SPAG9: variants seen among roughly 807,000 people sequenced by gnomAD.
The protein encoded by SPAG9 is sperm associated antigen 9, also known as C-Jun-amino-terminal kinase-interacting protein 4.
SPAG9 carries 35 observed loss-of-function variants against 166.5 expected under a neutral mutation model. The observed-to-expected ratio is 0.21, with a 90% CI of 0.16 to 0.28. SPAG9 has a LOEUF of 0.28. SPAG9 is among the 10% of genes least tolerant of loss of function. SPAG9 has a pLI of 1.00. For missense variants in SPAG9, 1,235 were observed against 1,603.3 expected (o/e 0.77, Z 3.92); for synonymous variants, 534 against 565.5 (o/e 0.94, Z 0.79).
At chr17:51,113,026 G>GAA (rs143151944) in intron 1 of SPAG9, among the ~76,000 whole-genome samples, 1 of 144,466 alleles carries the variant, frequency 6.9e-6, no homozygotes, top group African/African-American at 2.5e-5. Flanking sequence ...AAACAGTTCA[G>GAA]AAAAAAAAAA....
At position 50,984,610 on chromosome 17, in the gene SPAG9, C is replaced by T. The variant is rs148289050; in HGVS notation, c.3088+313G>A. On this transcript the variant is annotated intron_variant, in intron 24 of 29. Transcript: ENST00000262013. ...CTGAGGCAGGAGAGTGGTGTGAACC[C>T]GGGAGGCGGAGCTTGCAGTGAGCTG... Among the ~76,000 whole-genome samples, 696 of 152,232 alleles carry T rather than the reference C, an allele frequency of 4.6e-3. 3 individuals carry two copies. Among genetic ancestry groups the T allele is most frequent in the Non-Finnish European group, 8.7e-3 (594 of 68,016 alleles).
Position 50,989,791 on chromosome 17 carries a change from C to G in SPAG9, c.2699G>C (p.Gly900Ala). The change falls in exon 21 of 30, where the codon GGG becomes GCG. Residue 900 changes from glycine to alanine, a missense_variant. Around this residue, in one of 6 missense-constraint regions of SPAG9, gnomAD observed 493 missense variants for 559.4 expected, o/e 0.88. Coordinates refer to ENST00000262013, the MANE Select transcript of SPAG9 (RefSeq NM_001130528.3). ...EATEATEGNA[G>A]SAEDTVDISQ... is the part of the protein sequence containing the mutation. Reference sequence around the variant, plus strand: ...GATGTCCACTGTGTCTTCAGCTGACCCCGCATTCCCTTCTGTAGCTTCAGT... The same window carrying G: ...GATGTCCACTGTGTCTTCAGCTGACGCCGCATTCCCTTCTGTAGCTTCAGT... 1.9e-6 allele frequency: 3 copies of G among 1,614,090 alleles called. No homozygotes were observed. Among genetic ancestry groups the G allele is most frequent in the Non-Finnish European group, 2.5e-6 (3 of 1,179,988 alleles).
At chr17:51,112,496 C>A (rs1321750004) in intron 1 of SPAG9, among the ~76,000 whole-genome samples, 4 of 150,906 alleles carry the variant, frequency 2.7e-5, no homozygotes, top group Non-Finnish European at 5.9e-5. Flanking sequence ...CATGGTGAAA[C>A]CCCATCTCCA....
At chr17:51,029,491 G>C (rs1230099448) in intron 6 of SPAG9, among the ~76,000 whole-genome samples, 1 of 152,076 alleles carries the variant, frequency 6.6e-6, no homozygotes, top group African/African-American at 2.4e-5. Context: ...ATTCGTAACA[G>C]CCATAAGGTG....
At chr17:51,026,030 G>C (rs1221444320) in intron 6 of SPAG9, among the ~76,000 whole-genome samples, 6 of 152,120 alleles carry the variant, frequency 3.9e-5, no homozygotes, top group African/African-American at 1.4e-4. Context: ...ATATGAGAAA[G>C]TGATATGCCT....
At chr17:51,008,821 G>C (rs887563362) in intron 9 of SPAG9, among the ~76,000 whole-genome samples, 5 of 152,062 alleles carry the variant, frequency 3.3e-5, no homozygotes, top group Non-Finnish European at 5.9e-5. Context: ...TCTTCGGCAA[G>C]ATATTTGCTT....
chr17:50,967,352 C>A (rs895074581), intron 29 of SPAG9, among the ~76,000 whole-genome samples: 9 of 152,148 alleles, frequency 5.9e-5, no homozygotes, highest in Admixed American at 3.9e-4. Context: ...TGAATTTCAG[C>A]TGGACAAAAG....
intron 4 of SPAG9, among the ~76,000 whole-genome samples, chr17:51,044,950 T>A (rs2046967793): frequency 1.3e-5 from 2 of 152,228 alleles, no homozygotes; most frequent in African/African-American, 4.8e-5. Flanking sequence ...GCTAAAACAA[T>A]TTCTGCTAAA....
At chr17:51,109,672 A>C (rs540638356) in intron 1 of SPAG9, among the ~76,000 whole-genome samples, 1 of 152,302 alleles carries the variant, frequency 6.6e-6, no homozygotes, top group Non-Finnish European at 1.5e-5. Context: ...CTTAAAAATT[A>C]ATTCAAATTA....
At position 50,995,541 on chromosome 17, in the gene SPAG9, T is replaced by G; in HGVS notation, c.1969-8A>C. ...ACCTTGACCATTGGTTACCTAATAA[T>G]GGTGGAAGGAGGAGTGAAAAAGGCA... On this transcript the variant is annotated splice_region_variant and splice_polypyrimidine_tract_variant and intron_variant, in intron 16 of 29. Coordinates refer to ENST00000262013, the MANE Select transcript of SPAG9 (RefSeq NM_001130528.3). 3.2e-6 allele frequency: 5 copies of G among 1,574,780 alleles called. No homozygotes were observed. The highest frequency in any genetic ancestry group is 2.2e-5 in the South Asian group (2 of 90,216).
intron 18 of SPAG9, 36 bp downstream of exon 18, chr17:50,995,021 T>C: frequency 6.5e-7 from 1 of 1,548,316 alleles, no homozygotes; most frequent in Non-Finnish European, 8.8e-7. Flanking sequence ...ACTCATAGTC[T>C]CATAAACCAG....
chr17:51,069,720 T>A (rs1389539457), intron 2 of SPAG9, among the ~76,000 whole-genome samples: 1 of 152,158 alleles, frequency 6.6e-6, no homozygotes, highest in African/African-American at 2.4e-5. Flanking sequence ...AAGAAGTGTT[T>A]TCCTTCTAAT....
intron 5 of SPAG9, among the ~76,000 whole-genome samples, chr17:51,032,362 C>A (rs2046414395): frequency 6.6e-6 from 1 of 152,092 alleles, no homozygotes; most frequent in Non-Finnish European, 1.5e-5. Context: ...TTTGGTATCG[C>A]CTTGTTGCCC....
chr17:51,077,049 T>G (rs200131549), intron 2 of SPAG9, among the ~76,000 whole-genome samples: 1,576 of 70,938 alleles, frequency 0.022, 23 homozygotes, highest in African/African-American at 0.045. Context: ...TATCTAGCTA[T>G]CTAGCTAGCT....
intron 8 of SPAG9, among the ~76,000 whole-genome samples, chr17:51,017,519 T>TGAGAGA (rs60839678): frequency 0.01 from 1,494 of 147,456 alleles, 13 homozygotes; most frequent in Non-Finnish European, 0.017. Context: ...AGAACCTGTC[T>TGAGAGA]GAGAGAGAGA....
chr17:51,080,724 T>C lies in SPAG9; in HGVS notation c.304-1020A>G, dbSNP rs2048137360. ...GCTGAAACCCTGTCTCCACTAAAAA[T>C]ACAAAAATTAGCTGGGCATGGTGGC... On this transcript the variant is annotated intron_variant, in intron 1 of 29. Transcript: ENST00000262013. 2.6e-5 allele frequency among the ~76,000 whole-genome samples: 4 copies of C among 151,540 alleles called. 1 individual carries two copies. The South Asian group carries it at 8.4e-4, about 32-fold the overall frequency.
chr17:51,007,865 C>T, intron 9 of SPAG9: 1 of 448,818 alleles, frequency 2.2e-6, no homozygotes, highest in Non-Finnish European at 4.5e-6. Context: ...AAAGCCCATG[C>T]ATTCCATGTA....
At chr17:50,985,167 A>G (rs1318148221) in intron 23 of SPAG9, among the ~76,000 whole-genome samples, 177 bp from the exon 24 acceptor site, 1 of 152,238 alleles carries the variant, frequency 6.6e-6, no homozygotes, top group Non-Finnish European at 1.5e-5. Flanking sequence ...CTATGAAAAA[A>G]TGTCAGCTGA....
At chr17:51,080,238 C>T (rs915668299) in intron 1 of SPAG9, among the ~76,000 whole-genome samples, 1 of 151,958 alleles carries the variant, frequency 6.6e-6, no homozygotes, top group African/African-American at 2.4e-5. Flanking sequence ...AAATCTCAGT[C>T]TTCATCTTGA....
Sources: gnomAD v4.1 joint callset for allele counts (sites outside exome capture counted in the v4.1 genomes callset) on GRCh38, gnomAD v4.1.1 for gene constraint, gnomAD v4.1.1 regional missense constraint, MANE v1.5 for transcripts, NCBI Gene and HGNC (gene_info 2026-07-23, HGNC 2026-07-21) for gene names.